Variants in SLC43A2 observed in about 807,000 individuals in gnomAD.
The protein encoded by SLC43A2 is large neutral amino acids transporter small subunit 4.
SLC43A2 carries 38 observed loss-of-function variants against 63.2 expected under a neutral mutation model. The observed-to-expected ratio is 0.60, with a 90% confidence interval of 0.46 to 0.79. The LOEUF (loss-of-function observed/expected upper bound fraction) is 0.79, where lower values mean the gene tolerates loss of function less well. Ranked by LOEUF, SLC43A2 falls within the 30% of genes least tolerant of loss-of-function variation. The pLI is 0.00. For synonymous variants in SLC43A2, 322 were observed against 331.0 expected (o/e 0.97, Z 0.30); for missense variants, 644 against 756.2 (o/e 0.85, Z 1.74).
At chr17:1,617,150 A>T (rs916913139) in intron 2 of SLC43A2, among the ~76,000 whole-genome samples, 4 of 152,210 alleles carry the variant, frequency 2.6e-5, no homozygotes, top group African/African-American at 9.6e-5. Context: ...CTCAGGGCCC[A>T]GCCTTGGCTG....
intron 5 of SLC43A2, among the ~76,000 whole-genome samples, chr17:1,602,589 T>C (rs972138000): frequency 6.6e-6 from 1 of 151,700 alleles, no homozygotes; most frequent in East Asian, 1.9e-4. Flanking sequence ...GAGGTTGCAA[T>C]GAGCCGAGAT....
intron 11 of SLC43A2, among the ~76,000 whole-genome samples, chr17:1,580,608 C>A (rs756327713): frequency 6.6e-6 from 1 of 152,166 alleles, no homozygotes; most frequent in Non-Finnish European, 1.5e-5. Flanking sequence ...ACACCCCAGG[C>A]TGGAGTGCAG....
chr17:1,591,170 C>G, intron 8 of SLC43A2, 99 bp downstream of exon 8: 1 of 1,467,472 alleles, frequency 6.8e-7, no homozygotes, highest in Non-Finnish European at 9.2e-7. Context: ...ACAGGGCGGG[C>G]GGGGCCGCCT....
Position 1,593,121 on chromosome 17 carries a change from A to C in SLC43A2, c.594+66T>G. 6.7e-7 allele frequency: 1 copy of C among 1,485,250 alleles called. No homozygotes were observed. Among genetic ancestry groups the C allele is most frequent in the Non-Finnish European group, 9.3e-7 (1 of 1,077,264 alleles). The allele number at this position is 1,485,250 out of a possible 1,614,324, so 92.0% of individuals were successfully genotyped here. ...GGTGCCCACAATTGCCTCCCTCTTCAGAGAGGGTGGAAGGAGCCTGGAGCA... is the reference window on the plus strand; with the variant it reads ...GGTGCCCACAATTGCCTCCCTCTTCCGAGAGGGTGGAAGGAGCCTGGAGCA... On this transcript the variant is annotated intron_variant, in intron 6 of 13. Coordinates refer to ENST00000301335, the MANE Select transcript of SLC43A2 (RefSeq NM_152346.3). This position sits in a 1 kb window ranked among gnomAD's most constrained non-coding sequence, Gnocchi z 5.3.
At chr17:1,586,928 T>TCGCCCCCCCC in intron 9 of SLC43A2, 1 of 1,232,916 alleles carries the variant, frequency 8.1e-7, no homozygotes, top group Non-Finnish European at 1.1e-6. Flanking sequence ...TCCCTGACAA[T>TCGCCCCCCCC]CCCCCCCACC....
intron 5 of SLC43A2, among the ~76,000 whole-genome samples, chr17:1,602,595 G>A (rs919311408): frequency 3.3e-5 from 5 of 151,732 alleles, no homozygotes; most frequent in South Asian, 4.1e-4. Context: ...GCAATGAGCC[G>A]AGATTGTGCC....
chr17:1,572,263 C>A lies in SLC43A2; in HGVS notation c.*3341G>T, dbSNP rs922509677. 1.4e-5 allele frequency: 2 copies of A among 139,440 alleles called. No individual in the cohort carries two copies. Among genetic ancestry groups the A allele is most frequent in the African/African-American group, 5.1e-5 (2 of 38,948 alleles). 8.6% of individuals were successfully genotyped at this position (139,440 alleles called of 1,614,324 possible). On this transcript the variant is annotated 3_prime_UTR_variant, in exon 14 of 14. Transcript: ENST00000301335. ...CTGTGACCCCCCTGCCACAGAGGCC[C>A]CCCCCCCGCCACAGAGGTCCCCCCT...
intron 5 of SLC43A2, among the ~76,000 whole-genome samples, chr17:1,602,265 C>T (rs950033070): frequency 1.3e-5 from 2 of 152,106 alleles, no homozygotes; most frequent in African/African-American, 2.4e-5. Flanking sequence ...CCTTGGCTTC[C>T]CAAACTGCAA....
intron 11 of SLC43A2, among the ~76,000 whole-genome samples, chr17:1,580,664 C>A (rs552154182): frequency 6.6e-6 from 1 of 151,606 alleles, no homozygotes; most frequent in East Asian, 1.9e-4. Context: ...TGGGTTCAAG[C>A]GATTGTTCTC....
chr17:1,591,010 C>T (rs1037941153), intron 8 of SLC43A2, 62 bp from the exon 9 acceptor site: 13 of 1,497,152 alleles, frequency 8.7e-6, no homozygotes, highest in Admixed American at 4.0e-5. Flanking sequence ...CGGGGGGACA[C>T]GCAGATCCCT....
intron 5 of SLC43A2, among the ~76,000 whole-genome samples, chr17:1,594,405 C>T (rs949416970): frequency 6.6e-6 from 1 of 152,192 alleles, no homozygotes; most frequent in Non-Finnish European, 1.5e-5. Context: ...CCTCAAGAGA[C>T]ATCACACTGT....
chr17:1,576,772 G>A, intron 12 of SLC43A2, 52 bp from the exon 13 acceptor site: 1 of 1,589,936 alleles, frequency 6.3e-7, no homozygotes, highest in Non-Finnish European at 8.5e-7. Flanking sequence ...GCTTTGCTTG[G>A]CCCCAGGTGT....
chr17:1,586,798 C>T (rs530794326), intron 9 of SLC43A2, among the ~76,000 whole-genome samples: 7 of 152,148 alleles, frequency 4.6e-5, no homozygotes, highest in Non-Finnish European at 1.0e-4. Context: ...GGGAAGCAGA[C>T]GAGGAATGTT....
intron 6 of SLC43A2, among the ~76,000 whole-genome samples, chr17:1,592,936 C>T (rs1385281115): frequency 2.6e-5 from 4 of 152,202 alleles, no homozygotes; most frequent in African/African-American, 9.7e-5. Context: ...ACCCACCGCC[C>T]TTCCCCTGCC....
At chr17:1,627,578 G>A (rs1908769267) in intron 2 of SLC43A2, 137 bp downstream of exon 2, 3 of 843,638 alleles carry the variant, frequency 3.6e-6, no homozygotes, top group East Asian at 3.1e-5. Context: ...GGCTGGGTGA[G>A]GATCAGATGG....
rs1367171905 is a variant in SLC43A2 at position 1,570,555 on chromosome 17, C to A, written c.*5049G>T. 1 of 147,492 alleles carries A rather than the reference C, an allele frequency of 6.8e-6. No homozygotes were observed. Among genetic ancestry groups the A allele is most frequent in the Non-Finnish European group, 1.5e-5 (1 of 67,026 alleles). 9.1% of individuals were successfully genotyped at this position (147,492 alleles called of 1,614,324 possible). A position where few individuals can be genotyped will look rare whatever the true frequency, so the allele number is the denominator to read the frequency against. ...AGGCTGGAGTGCAGTGGCGGGATCT[C>A]GGCTCACTGCAAGCTCCGCCTCCCG... On this transcript the variant is annotated 3_prime_UTR_variant, in exon 14 of 14. Coordinates refer to ENST00000301335, the MANE Select transcript of SLC43A2 (RefSeq NM_152346.3).
In SLC43A2 at chr17:1,577,491, C is replaced by CG. The variant is rs2075952152; in HGVS notation, c.1424+758dup. 6.6e-6 allele frequency among the ~76,000 whole-genome samples: 1 copy of CG among 152,186 alleles called. No individual in the cohort carries two copies. Among genetic ancestry groups the CG allele is most frequent in the Non-Finnish European group, 1.5e-5 (1 of 68,018 alleles). ...TGGGGAGGGGCAGGCGGAGGGCAAG[C>CG]GGAGCTGGGATTACCCCAGGGGCTG... On this transcript the variant is annotated intron_variant, in intron 12 of 13. Coordinates refer to ENST00000301335, the MANE Select transcript of SLC43A2 (RefSeq NM_152346.3). The surrounding 1 kb of genome is among the most constrained non-coding windows in gnomAD (Gnocchi z 4.9).
At chr17:1,594,778 CG>C (rs1221088900) in intron 5 of SLC43A2, among the ~76,000 whole-genome samples, 2 of 151,596 alleles carry the variant, frequency 1.3e-5, no homozygotes, top group Non-Finnish European at 2.9e-5. Context: ...TCAGTAGAGA[CG>C]GGGTTTCACC....
chr17:1,604,917 T>C, intron 5 of SLC43A2: 3 of 1,529,430 alleles, frequency 2.0e-6, no homozygotes, highest in Non-Finnish European at 2.6e-6. Flanking sequence ...CTGCGCATAA[T>C]GGCTGTTCGA....
Sources: gnomAD v4.1 joint callset for allele counts (sites outside exome capture counted in the v4.1 genomes callset) on GRCh38, gnomAD v4.1.1 for gene constraint, Gnocchi (gnomAD v3.1) non-coding constraint, MANE v1.5 for transcripts, NCBI Gene and HGNC (gene_info 2026-07-23, HGNC 2026-07-21) for gene names.